BCL7A: variants seen among roughly 807,000 people sequenced by gnomAD.
BCL7A encodes BAF chromatin remodeling complex subunit BCL7A.
A neutral mutation model predicts 28.4 loss-of-function variants in BCL7A; 11 were observed. The ratio of observed to expected loss-of-function variants is 0.39; its 90% CI spans 0.24 to 0.64. The LOEUF is 0.64. Ranked by LOEUF, BCL7A falls within the 30% of genes least tolerant of loss-of-function variation. BCL7A has a pLI of 0.50. For missense variants in BCL7A, 222 were observed against 274.8 expected (o/e 0.81, Z 1.36); for synonymous variants, 123 against 103.3 (o/e 1.19, Z -1.15).
At chr12:122,035,611 C>T (rs898100965) in intron 3 of BCL7A, among the ~76,000 whole-genome samples, 184 bp downstream of exon 3, 43 of 152,178 alleles carry the variant, frequency 2.8e-4, no homozygotes, top group African/African-American at 1.4e-4. Flanking sequence ...GTTTCTTTTC[C>T]CAGCGTACCA....
intron 1 of BCL7A, among the ~76,000 whole-genome samples, chr12:122,028,945 G>A (rs1053979794): frequency 5.3e-5 from 8 of 152,118 alleles, no homozygotes; most frequent in Admixed American, 5.2e-4. Flanking sequence ...GGGCATTGTG[G>A]TTTGTCTGCT....
intron 4 of BCL7A, among the ~76,000 whole-genome samples, chr12:122,048,765 A>G (rs1385547934): frequency 1.3e-5 from 2 of 151,854 alleles, no homozygotes; most frequent in Non-Finnish European, 2.9e-5. Flanking sequence ...CACACCTGTA[A>G]TCCCAGCACT....
chr12:122,042,895 T>A (rs1200103874), intron 3 of BCL7A, among the ~76,000 whole-genome samples: 3 of 152,286 alleles, frequency 2.0e-5, no homozygotes, highest in African/African-American at 7.2e-5. Context: ...TCCCCAATTG[T>A]TCCAAAGTGT....
At chr12:122,052,270 G>T (rs781105548) in intron 4 of BCL7A, among the ~76,000 whole-genome samples, 1 of 152,250 alleles carries the variant, frequency 6.6e-6, no homozygotes, top group East Asian at 1.9e-4. Flanking sequence ...CTGAGCTCAA[G>T]CTATCTTCCC....
chr12:122,050,743 C>T (rs542319689), intron 4 of BCL7A, among the ~76,000 whole-genome samples: 8 of 152,358 alleles, frequency 5.3e-5, no homozygotes, highest in Admixed American at 3.9e-4. Context: ...CTGCAGTGAG[C>T]CATGATCGTG....
chr12:122,033,832 A>G (rs1883790997), intron 2 of BCL7A, among the ~76,000 whole-genome samples: 1 of 152,100 alleles, frequency 6.6e-6, no homozygotes, highest in African/African-American at 2.4e-5. Context: ...ATTCCAGAAC[A>G]TTTTCATCAC....
At position 122,054,866 on chromosome 12, in the gene BCL7A, A is replaced by G; in HGVS notation, c.501A>G (p.Lys167=). The G allele has an allele frequency of 3.7e-6, 6 of 1,614,250 alleles. No homozygotes were observed. In the Middle Eastern group the frequency reaches 4.9e-4, roughly 133 times the overall value. The part of the protein sequence containing the change: ...SMEHSMNSSE[K]VDRQPSGDSG... ...AACATTCGATGAACAGCTCAGAGAAAGTAGATCGGCAGCCGTCTGGAGACT... is the reference window on the plus strand; with the variant it reads ...AACATTCGATGAACAGCTCAGAGAAGGTAGATCGGCAGCCGTCTGGAGACT... Residue 167 remains lysine, a synonymous_variant, in exon 5 of 6, where the codon AAA becomes AAG. Coordinates refer to ENST00000261822, the MANE Select transcript of BCL7A (RefSeq NM_001024808.3).
chr12:122,030,130 C>T (rs1883710056), intron 1 of BCL7A, among the ~76,000 whole-genome samples: 1 of 152,184 alleles, frequency 6.6e-6, no homozygotes, highest in Non-Finnish European at 1.5e-5. Context: ...TGTGTAACCT[C>T]CTTTCGGGCC....
Position 122,061,704 on chromosome 12 carries a change from C to T in BCL7A, c.*2541C>T. 1 of 231,324 alleles carries T rather than the reference C, an allele frequency of 4.3e-6. No homozygotes were observed. Among genetic ancestry groups the T allele is most frequent in the Non-Finnish European group, 8.6e-6 (1 of 116,588 alleles). The allele number at this position is 231,324 out of a possible 1,614,324, so 14.3% of individuals were successfully genotyped here. ...AGGGCTCCCAGGGCAAACCTAATTC[C>T]CCCCAAAACGTGAAGTCGGGGAAGC... On this transcript the variant is annotated 3_prime_UTR_variant, in exon 6 of 6. Coordinates refer to ENST00000261822, the MANE Select transcript of BCL7A (RefSeq NM_001024808.3).
rs376667121 is a variant in BCL7A, at chr12:122,048,146, G to A, written c.439+4093G>A. 1.1e-4 allele frequency among the ~76,000 whole-genome samples: 17 copies of A among 151,608 alleles called. No individual in the cohort carries two copies. The East Asian group carries it at 1.8e-3, about 16-fold the overall frequency. ...TTGAACTCCCAACCTCAGGTGATCC[G>A]CCCGCCTCGGCCTCCCAAAGTGCTG... On this transcript the variant is annotated intron_variant, in intron 4 of 5. Transcript: ENST00000261822.
chr12:122,034,166 G>A, intron 2 of BCL7A, among the ~76,000 whole-genome samples: 1 of 127,368 alleles, frequency 7.9e-6, no homozygotes, highest in Non-Finnish European at 1.7e-5. Context: ...CACTGGTGGT[G>A]AGGCTCACGT....
At chr12:122,045,976 G>A (rs539618983) in intron 4 of BCL7A, among the ~76,000 whole-genome samples, 8 of 146,270 alleles carry the variant, frequency 5.5e-5, no homozygotes, top group African/African-American at 2.0e-4. Context: ...GTAGTCCCAG[G>A]AGGATCGACT....
chr12:122,025,375 C>G (rs779512026), intron 1 of BCL7A, among the ~76,000 whole-genome samples: 1 of 152,156 alleles, frequency 6.6e-6, no homozygotes, highest in East Asian at 1.9e-4. Context: ...CCTGTAATTT[C>G]AGCACTCTGG....
intron 3 of BCL7A, among the ~76,000 whole-genome samples, chr12:122,039,320 AAT>A (rs540432385): frequency 2.0e-3 from 289 of 147,860 alleles, no homozygotes; most frequent in African/African-American, 6.8e-3. Flanking sequence ...TAAAAAAAAA[AAT>A]AATAATAATA....
At chr12:122,038,924 C>T (rs1883910716) in intron 3 of BCL7A, among the ~76,000 whole-genome samples, 1 of 152,030 alleles carries the variant, frequency 6.6e-6, no homozygotes, top group Admixed American at 6.6e-5. Context: ...CCTGTAATCC[C>T]AGCACTTTGG....
intron 3 of BCL7A, among the ~76,000 whole-genome samples, chr12:122,040,920 C>G (rs1340320293): frequency 6.6e-6 from 1 of 152,180 alleles, no homozygotes; most frequent in African/African-American, 2.4e-5. Context: ...CATTCATTAA[C>G]AGAGCCTCAG....
chr12:122,034,424 GT>G (rs1325157167), intron 2 of BCL7A, among the ~76,000 whole-genome samples: 24 of 64,360 alleles, frequency 3.7e-4, no homozygotes, highest in Admixed American at 1.1e-3. Flanking sequence ...GATTCCTTTC[GT>G]AAAAAAAAAA....
chr12:122,052,877 G>C (rs1018249167), intron 4 of BCL7A, among the ~76,000 whole-genome samples: 4 of 135,706 alleles, frequency 2.9e-5, no homozygotes, highest in Admixed American at 1.5e-4. Context: ...TCGGGGGGGG[G>C]GGGGGGTTTG....
At position 122,059,158 on chromosome 12, in the gene BCL7A, A is replaced by T; in HGVS notation, c.628A>T (p.Met210Leu). ...GGCCTCTCAACAAAACTCCGAAGAG[A>T]TGTAGACGATGCTTTAAAGCCTCCG... ...LEASQQNSEE[M>L] The change falls in exon 6 of 6, where the codon ATG becomes TTG. Residue 210 changes from methionine to leucine, a missense_variant. Around this residue, in one of 2 missense-constraint regions of BCL7A, gnomAD observed 155 missense variants for 145.7 expected, o/e 1.06. Transcript: ENST00000261822. The surrounding 1 kb of genome is among the most constrained non-coding windows in gnomAD (Gnocchi z 4.0). 6.2e-7 allele frequency: 1 copy of T among 1,610,598 alleles called. No homozygotes were observed. The highest frequency in any genetic ancestry group is 8.5e-7 in the Non-Finnish European group (1 of 1,176,796).
Sources: allele counts gnomAD v4.1 joint callset (sites outside exome capture counted in the v4.1 genomes callset), GRCh38; gene constraint gnomAD v4.1.1; regional missense constraint gnomAD v4.1.1; non-coding constraint Gnocchi (gnomAD v3.1); transcripts MANE v1.5; gene names NCBI Gene and HGNC (gene_info 2026-07-23, HGNC 2026-07-21).